The following XPO7 variants were observed in gnomAD, a reference collection of about 807,000 sequenced individuals.
The protein encoded by XPO7 is exportin-7.
XPO7 carries 21 observed loss-of-function variants against 144.3 expected under a neutral mutation model. The ratio of observed to expected loss-of-function variants is 0.15; its 90% CI spans 0.10 to 0.21. XPO7 has a LOEUF of 0.21. Ranked by LOEUF, XPO7 falls within the 10% of genes least tolerant of loss-of-function variation. XPO7 has a pLI of 1.00. For missense variants in XPO7, 808 were observed against 1,325.8 expected, an observed-to-expected ratio of 0.61 and a Z score of 6.06; for synonymous variants, 580 against 499.6, an observed-to-expected ratio of 1.16 and a Z score of -2.15.
chr8:22,002,018 C>G, intron 24 of XPO7, 94 bp from the exon 25 acceptor site: 2 of 1,442,830 alleles, frequency 1.4e-6, no homozygotes, highest in Non-Finnish European at 1.9e-6. Context: ...TTGAATTGGC[C>G]ACGGTACCCT....
chr8:21,994,414 A>G lies in XPO7; in HGVS notation c.2200A>G (p.Asn734Asp). 1.9e-6 allele frequency: 3 copies of G among 1,612,526 alleles called. No homozygotes were observed. Among genetic ancestry groups the G allele is most frequent in the Non-Finnish European group, 2.5e-6 (3 of 1,178,846 alleles). ...RDLRGIAFAF[N>D]AKTSFMMLFE... is the part of the protein sequence containing the mutation. ...CCTGAGAGGGATCGCTTTCGCTTTC[A>G]ATGCCAAGACCAGCTTCATGATGCT... The change falls in exon 20 of 28, where the codon AAT becomes GAT. Residue 734 changes from asparagine to aspartate, a missense_variant. Asn to Asp is a conservative substitution (Grantham distance 23). Transcript: ENST00000252512.
At chr8:21,976,241 T>C in intron 6 of XPO7, 115 bp from the exon 7 acceptor site, 1 of 1,148,582 alleles carries the variant, frequency 8.7e-7, no homozygotes, top group Non-Finnish European at 1.3e-6. Flanking sequence ...AAGGGGACAT[T>C]TTACTGTGCT....
intron 1 of XPO7, chr8:21,921,275 A>T (rs1422019991): frequency 1.3e-5 from 2 of 152,210 alleles, no homozygotes; most frequent in African/African-American, 2.4e-5. Context: ...TACTTCTGTC[A>T]TTTAAAGGAA....
At position 21,970,751 on chromosome 8, in the gene XPO7, G is replaced by A. The variant is rs138274911; in HGVS notation, c.426+441G>A. Among the ~76,000 whole-genome samples the A allele has an allele frequency of 1.5e-4, 23 of 152,142 alleles. 1 individual carries two copies. In the East Asian group the frequency reaches 4.2e-3, roughly 28 times the overall value. ...GCTTGCACTTCATGATGATGTTTTCGTCAACAGTAGACCACATATACAACA... is the reference window on the plus strand; with the variant it reads ...GCTTGCACTTCATGATGATGTTTTCATCAACAGTAGACCACATATACAACA... On this transcript the variant is annotated intron_variant, in intron 4 of 27. Coordinates refer to ENST00000252512, the MANE Select transcript of XPO7 (RefSeq NM_015024.5).
chr8:21,988,908 G>T, intron 15 of XPO7, 95 bp from the exon 16 acceptor site: 1 of 1,109,958 alleles, frequency 9.0e-7, no homozygotes, highest in South Asian at 1.4e-5. Context: ...GATGTGTGGT[G>T]ACTTTTGATG....
At chr8:21,929,146 G>C (rs1032514431) in intron 1 of XPO7, among the ~76,000 whole-genome samples, 2 of 152,200 alleles carry the variant, frequency 1.3e-5, no homozygotes, top group African/African-American at 4.8e-5. Context: ...GAGGCTAATA[G>C]CTACCATATT....
At chr8:21,994,758 GA>G (rs1262164189) in intron 20 of XPO7, among the ~76,000 whole-genome samples, 2 of 151,994 alleles carry the variant, frequency 1.3e-5, no homozygotes, top group East Asian at 1.9e-4. Context: ...TCAGTCTGCT[GA>G]AAAAAATAAA....
chr8:21,924,772 A>G (rs1374901835), intron 1 of XPO7, among the ~76,000 whole-genome samples: 10 of 152,226 alleles, frequency 6.6e-5, no homozygotes, highest in Admixed American at 6.5e-4. Flanking sequence ...CTGATTTACA[A>G]GTATTTCTCT....
chr8:21,963,077 C>G (rs1811775326), intron 1 of XPO7, among the ~76,000 whole-genome samples: 3 of 152,100 alleles, frequency 2.0e-5, no homozygotes, highest in Admixed American at 6.5e-5. Context: ...TTCGGCAATT[C>G]TTTATATATT....
intron 1 of XPO7, among the ~76,000 whole-genome samples, chr8:21,924,037 ACT>A (rs1436752536): frequency 1.3e-5 from 2 of 152,052 alleles, no homozygotes; most frequent in Non-Finnish European, 2.9e-5. Flanking sequence ...TTGCAGTCAA[ACT>A]CTCAGCTGGG....
Sources: allele counts gnomAD v4.1 joint callset (sites outside exome capture counted in the v4.1 genomes callset), GRCh38; gene constraint gnomAD v4.1.1; transcripts MANE v1.5; gene names NCBI Gene and HGNC (gene_info 2026-07-23, HGNC 2026-07-21).